The following ATP8A2 variants were observed in gnomAD, a reference collection of about 807,000 sequenced individuals.
ATP8A2 encodes the protein ATPase phospholipid transporting 8A2.
ATP8A2 carries 100 observed loss-of-function variants against 165.6 expected under a neutral mutation model. That is an observed-to-expected ratio of 0.60 (90% CI 0.51 to 0.71). The LOEUF (loss-of-function observed/expected upper bound fraction) is 0.71, where lower values mean the gene tolerates loss of function less well. Among genes scored for constraint, ATP8A2 ranks in the 30% least tolerant of loss-of-function variants. The probability of loss-of-function intolerance (pLI) is 0.00; values close to 1 mark genes in which losing one functional copy is unlikely to be tolerated. For missense variants in ATP8A2, 1,227 were observed against 1,479.5 expected (o/e 0.83, Z 2.80); for synonymous variants, 543 against 548.8 (o/e 0.99, Z 0.15).
intron 25 of ATP8A2, among the ~76,000 whole-genome samples, chr13:25,738,686 G>T (rs2043840667): frequency 6.6e-6 from 1 of 152,200 alleles, no homozygotes; most frequent in South Asian, 2.1e-4. Context: ...AGAACTGCAG[G>T]CAAAATGACT....
chr13:25,380,518 T>A (rs759261657), intron 1 of ATP8A2, among the ~76,000 whole-genome samples: 1 of 152,206 alleles, frequency 6.6e-6, no homozygotes, highest in Non-Finnish European at 1.5e-5. Context: ...TCATTCATAA[T>A]GTTTTCTGTT....
At chr13:25,748,943 G>A (rs1262511126) in intron 25 of ATP8A2, among the ~76,000 whole-genome samples, 1 of 152,190 alleles carries the variant, frequency 6.6e-6, no homozygotes, top group Non-Finnish European at 1.5e-5. Flanking sequence ...TTCAATAACA[G>A]TATGTGGAGA....
chr13:25,855,297 C>A (rs1421591182), intron 30 of ATP8A2, among the ~76,000 whole-genome samples: 1 of 151,928 alleles, frequency 6.6e-6, no homozygotes, highest in Non-Finnish European at 1.5e-5. Flanking sequence ...CCAAGCACCT[C>A]CAGTACCTGG....
At chr13:25,448,282 A>G (rs939512156) in intron 1 of ATP8A2, among the ~76,000 whole-genome samples, 3 of 152,180 alleles carry the variant, frequency 2.0e-5, no homozygotes, top group African/African-American at 7.2e-5. Context: ...GTCAAACACT[A>G]GAGCTCATTT....
Position 25,548,364 on chromosome 13 carries a change from T to C in ATP8A2, c.892-2974T>C, listed in dbSNP as rs2038717087. Among the ~76,000 whole-genome samples, 8 of 152,338 alleles carry C rather than the reference T, an allele frequency of 5.3e-5. No individual in the cohort carries two copies. The South Asian group carries it at 1.7e-3, about 32-fold the overall frequency. On this transcript the variant is annotated intron_variant, in intron 10 of 36. Coordinates refer to ENST00000381655, the MANE Select transcript of ATP8A2 (RefSeq NM_016529.6). ...ATGTTGAAGCTTGAAGTTTTGGGAT[T>C]GTTCCTCTTCTGTTAGATGAAAGAT...
rs2137887775 is a variant in ATP8A2 at position 25,372,194 on chromosome 13, A to C, written c.-19A>C. The C allele has an allele frequency of 7.0e-7, 1 of 1,420,972 alleles. No individual in the cohort carries two copies. The highest frequency in any genetic ancestry group is 1.4e-5 in the South Asian group (1 of 69,944). 88.0% of individuals were successfully genotyped at this position (1,420,972 alleles called of 1,614,324 possible). ...CTCCGTCTCTCGCCCGGGGCCGCCG[A>C]GCCCCCGACACGGGCGAGATGCTGA... On this transcript the variant is annotated 5_prime_UTR_variant, in exon 1 of 37. Coordinates refer to ENST00000381655, the MANE Select transcript of ATP8A2 (RefSeq NM_016529.6). The surrounding 1 kb of genome is among the most constrained non-coding windows in gnomAD (Gnocchi z 4.8).
chr13:25,945,759 C>T (rs772903790), intron 33 of ATP8A2, among the ~76,000 whole-genome samples: 40 of 152,240 alleles, frequency 2.6e-4, no homozygotes, highest in Middle Eastern at 3.4e-3. Context: ...TTTTCTGCTC[C>T]GGGAAGGCTG....
intron 35 of ATP8A2, among the ~76,000 whole-genome samples, chr13:25,998,951 C>A (rs909603273): frequency 3.3e-5 from 5 of 152,084 alleles, no homozygotes; most frequent in African/African-American, 1.2e-4. Flanking sequence ...CATATTCTGG[C>A]ATTTTAAAAG....
intron 28 of ATP8A2, among the ~76,000 whole-genome samples, chr13:25,829,670 A>G (rs112027017): frequency 0.031 from 210 of 6,862 alleles, 2 homozygotes; most frequent in African/African-American, 0.094. Flanking sequence ...CAGGTGTGGT[A>G]TATATATATA....
At position 25,612,766 on chromosome 13, in the gene ATP8A2, T is replaced by C. The variant is rs138917728; in HGVS notation, c.2211+23067T>C. On this transcript the variant is annotated intron_variant, in intron 24 of 36. Coordinates refer to ENST00000381655, the MANE Select transcript of ATP8A2 (RefSeq NM_016529.6). ...TCGCCACTATTATTGTGTTGCCATC[T>C]ATCTCATTTCTTAGGTCTAGTAGTA... Among the ~76,000 whole-genome samples the C allele has an allele frequency of 5.0e-3, 765 of 152,318 alleles. 8 individuals carry two copies. Among genetic ancestry groups the C allele is most frequent in the South Asian group, 0.021 (99 of 4,820 alleles).
At chr13:25,391,673 C>T (rs2033253378) in intron 1 of ATP8A2, among the ~76,000 whole-genome samples, 1 of 152,172 alleles carries the variant, frequency 6.6e-6, no homozygotes, top group South Asian at 2.1e-4. Flanking sequence ...CAAAAAATAG[C>T]TAAAGCTGCA....
At position 25,781,574 on chromosome 13, in the gene ATP8A2, C is replaced by T. The variant is rs185105190; in HGVS notation, c.2679+6615C>T. 1.4e-3 allele frequency among the ~76,000 whole-genome samples: 208 copies of T among 152,160 alleles called. 1 individual carries two copies. The highest frequency in any genetic ancestry group is 4.6e-3 in the African/African-American group (191 of 41,526). On this transcript the variant is annotated intron_variant, in intron 27 of 36. Coordinates refer to ENST00000381655, the MANE Select transcript of ATP8A2 (RefSeq NM_016529.6). ...TGCAGTGTTGGCTCACTGCAACCTC[C>T]GCCTTCCAGGTTCAAGCGATTCTCC...
intron 18 of ATP8A2, 105 bp from the exon 19 acceptor site, chr13:25,574,703 A>AAGAG: frequency 1.3e-6 from 1 of 750,876 alleles, no homozygotes; most frequent in Non-Finnish European, 2.4e-6. Flanking sequence ...AGAAGGTGGG[A>AAGAG]AGAGAGAGAG....
At chr13:25,393,723 A>G (rs2033327152) in intron 1 of ATP8A2, among the ~76,000 whole-genome samples, 1 of 152,112 alleles carries the variant, frequency 6.6e-6, no homozygotes, top group African/African-American at 2.4e-5. Flanking sequence ...GCCCCTATTT[A>G]TATACTTTTT....
intron 24 of ATP8A2, among the ~76,000 whole-genome samples, chr13:25,609,199 T>A (rs1258830001): frequency 6.6e-6 from 1 of 151,720 alleles, no homozygotes; most frequent in Non-Finnish European, 1.5e-5. Flanking sequence ...AACAAGCAAG[T>A]TGATGAAGGA....
chr13:25,457,565 A>T (rs972859472), intron 1 of ATP8A2, among the ~76,000 whole-genome samples: 1 of 152,194 alleles, frequency 6.6e-6, no homozygotes, highest in Non-Finnish European at 1.5e-5. Context: ...TGAGGATTGG[A>T]TGGATTTACA....
chr13:25,657,532 T>G (rs2041960368), intron 24 of ATP8A2, among the ~76,000 whole-genome samples: 1 of 152,228 alleles, frequency 6.6e-6, no homozygotes, highest in African/African-American at 2.4e-5. Flanking sequence ...TCAGGCCCAG[T>G]GTTCCAGAAC....
At chr13:26,015,890 C>G (rs1479973064) in intron 36 of ATP8A2, among the ~76,000 whole-genome samples, 1 of 152,150 alleles carries the variant, frequency 6.6e-6, no homozygotes, top group Non-Finnish European at 1.5e-5. Flanking sequence ...CTCCGAGCTC[C>G]CCGTTTGGAT....
chr13:25,907,604 C>A (rs769265505), intron 33 of ATP8A2, among the ~76,000 whole-genome samples: 7 of 152,278 alleles, frequency 4.6e-5, no homozygotes, highest in African/African-American at 1.7e-4. Context: ...CTTTAAGGGT[C>A]CTTTCAACTG....
Sources: allele counts gnomAD v4.1 joint callset (sites outside exome capture counted in the v4.1 genomes callset), GRCh38; gene constraint gnomAD v4.1.1; non-coding constraint Gnocchi (gnomAD v3.1); transcripts MANE v1.5; gene names NCBI Gene and HGNC (gene_info 2026-07-23, HGNC 2026-07-21).